TGFBR3: variants seen among roughly 807,000 people sequenced by gnomAD.
The protein encoded by TGFBR3 is transforming growth factor beta receptor 3, also known as transforming growth factor beta receptor type 3.
In TGFBR3, 46 loss-of-function variants were observed where a neutral mutation model predicts 87.9. The ratio of observed to expected loss-of-function variants is 0.52; its 90% CI spans 0.41 to 0.67. The LOEUF (loss-of-function observed/expected upper bound fraction) is 0.67, where lower values mean the gene tolerates loss of function less well. Ranked by LOEUF, TGFBR3 falls within the 30% of genes least tolerant of loss-of-function variation. TGFBR3 has a pLI of 0.00. For missense variants in TGFBR3, 866 were observed against 1,041.9 expected, an observed-to-expected ratio of 0.83 and a Z score of 2.32; for synonymous variants, 381 against 391.6, an observed-to-expected ratio of 0.97 and a Z score of 0.32.
chr1:91,855,590 A>AT (rs999234714), intron 2 of TGFBR3, among the ~76,000 whole-genome samples: 4 of 152,124 alleles, frequency 2.6e-5, no homozygotes, highest in Non-Finnish European at 5.9e-5. Context: ...ATTTTTATCC[A>AT]TTTTTTGTAT....
At chr1:91,897,237 G>A (rs1392926287) in intron 2 of TGFBR3, among the ~76,000 whole-genome samples, 1 of 152,188 alleles carries the variant, frequency 6.6e-6, no homozygotes, top group Non-Finnish European at 1.5e-5. Flanking sequence ...TGTAGCCTGC[G>A]GGGGTATCAG....
intron 1 of TGFBR3, among the ~76,000 whole-genome samples, chr1:91,875,690 C>T (rs1251587563): frequency 1.3e-5 from 2 of 149,786 alleles, no homozygotes; most frequent in Admixed American, 6.8e-5. Context: ...GAGTTCAAGA[C>T]CAGCCTGGCC....
intron 16 of TGFBR3, among the ~76,000 whole-genome samples, chr1:91,695,110 C>CTTT (rs3038541): frequency 1.4e-5 from 2 of 140,042 alleles, no homozygotes; most frequent in Admixed American, 7.1e-5. Context: ...TGTTTCATCA[C>CTTT]TTTTTTTTTT....
At chr1:91,732,219 C>T (rs1672798978) in intron 5 of TGFBR3, among the ~76,000 whole-genome samples, 1 of 152,114 alleles carries the variant, frequency 6.6e-6, no homozygotes, top group African/African-American at 2.4e-5. Context: ...GGTGGTAAGT[C>T]AATGTTGCTT....
intron 8 of TGFBR3, among the ~76,000 whole-genome samples, chr1:91,721,010 G>A (rs17881597): frequency 3.1e-4 from 47 of 152,164 alleles, no homozygotes; most frequent in African/African-American, 9.4e-4. Context: ...ATATTTTGTC[G>A]TATTTCTAAC....
chr1:91,847,646 G>GA (rs1380502336), intron 2 of TGFBR3, among the ~76,000 whole-genome samples: 1 of 151,212 alleles, frequency 6.6e-6, no homozygotes, highest in Non-Finnish European at 1.5e-5. Flanking sequence ...AGTCAATGGG[G>GA]AAACCTGAGC....
At chr1:91,736,692 G>T (rs1421035241) in intron 4 of TGFBR3, among the ~76,000 whole-genome samples, 1 of 152,030 alleles carries the variant, frequency 6.6e-6, no homozygotes, top group African/African-American at 2.4e-5. Flanking sequence ...CTAATTTTTT[G>T]ACTTTTGCAC....
At position 91,708,787 on chromosome 1, in the gene TGFBR3, C is replaced by A. The variant is rs1411293978; in HGVS notation, c.2167-4G>T. On this transcript the variant is annotated splice_region_variant and splice_polypyrimidine_tract_variant and intron_variant, in intron 13 of 16. Transcript: ENST00000212355. ...AGGCTTCGTCAGGAGGCACACACTG[C>A]AGACAGGCAGAACAAAGCACAGAAT... 3.1e-6 allele frequency: 5 copies of A among 1,613,638 alleles called. No individual in the cohort carries two copies. Among genetic ancestry groups the A allele is most frequent in the Non-Finnish European group, 4.2e-6 (5 of 1,179,882 alleles).
At chr1:91,698,167 A>C (rs756261971) in intron 14 of TGFBR3, 37 bp from the exon 15 acceptor site, 1 of 1,588,272 alleles carries the variant, frequency 6.3e-7, no homozygotes, top group Non-Finnish European at 8.6e-7. Context: ...TATTCTATGG[A>C]GAACCAAGAT....
chr1:91,762,062 T>C (rs948506458), intron 3 of TGFBR3, among the ~76,000 whole-genome samples: 2 of 152,188 alleles, frequency 1.3e-5, no homozygotes, highest in Non-Finnish European at 2.9e-5. Flanking sequence ...GCTTTGTCTA[T>C]GGGCTGATAA....
At chr1:91,691,330 A>G (rs71650461) in intron 16 of TGFBR3, among the ~76,000 whole-genome samples, 3,274 of 152,308 alleles carry the variant, frequency 0.021, 45 homozygotes, top group African/African-American at 0.042. Flanking sequence ...ATGTATAAAC[A>G]TACACCTAAC....
chr1:91,744,367 C>T (rs1001207207), intron 4 of TGFBR3, among the ~76,000 whole-genome samples: 6 of 152,038 alleles, frequency 3.9e-5, no homozygotes, highest in African/African-American at 4.8e-5. Flanking sequence ...ATTACAGGCA[C>T]GAGGAGCCAT....
In TGFBR3 at chr1:91,855,047, C is replaced by T. The variant is rs187943153; in HGVS notation, c.61+6424G>A. Among the ~76,000 whole-genome samples, 120 of 152,322 alleles carry T rather than the reference C, an allele frequency of 7.9e-4. 1 individual carries two copies. Among genetic ancestry groups the T allele is most frequent in the African/African-American group, 2.7e-3 (113 of 41,560 alleles). ...CCATTCCAGACCAAGTATTAACCAG[C>T]TGGTATCTCAGCTTGCTCTCCCACA... is the stretch of plus-strand genomic sequence containing the variant. On this transcript the variant is annotated intron_variant, in intron 2 of 16. Coordinates refer to ENST00000212355, the MANE Select transcript of TGFBR3 (RefSeq NM_003243.5).
intron 2 of TGFBR3, among the ~76,000 whole-genome samples, chr1:91,800,332 G>A (rs10664592): frequency 3.1e-3 from 434 of 140,380 alleles, no homozygotes; most frequent in Middle Eastern, 0.011. Flanking sequence ...ATGTGTATAT[G>A]TGTGTGTGTG....
Position 91,728,764 on chromosome 1 carries a change from G to A in TGFBR3, c.738-958C>T, listed in dbSNP as rs79284145. On this transcript the variant is annotated intron_variant, in intron 6 of 16. Coordinates refer to ENST00000212355, the MANE Select transcript of TGFBR3 (RefSeq NM_003243.5). ...CGCTTTGAAAGTCAAACCCCGATTA[G>A]CATTTTCACCTCGAAATCCCTCTAC... Among the ~76,000 whole-genome samples, 615 of 152,200 alleles carry A rather than the reference G, an allele frequency of 4.0e-3. 1 individual carries two copies. Among genetic ancestry groups the A allele is most frequent in the Non-Finnish European group, 6.0e-3 (406 of 68,014 alleles).
At chr1:91,797,706 A>G (rs1214250974) in intron 2 of TGFBR3, among the ~76,000 whole-genome samples, 2 of 152,248 alleles carry the variant, frequency 1.3e-5, no homozygotes, top group Non-Finnish European at 2.9e-5. Flanking sequence ...CTCACAAGTC[A>G]TGAATGCATT....
intron 3 of TGFBR3, among the ~76,000 whole-genome samples, chr1:91,771,636 G>A (rs1674380861): frequency 6.6e-6 from 1 of 150,948 alleles, no homozygotes; most frequent in South Asian, 2.1e-4. Flanking sequence ...AACATGGGAG[G>A]CGGAGCTTGC....
chr1:91,733,080 T>C (rs367575006), intron 5 of TGFBR3, among the ~76,000 whole-genome samples: 2 of 152,350 alleles, frequency 1.3e-5, no homozygotes, highest in African/African-American at 4.8e-5. Context: ...TTGACCTCTG[T>C]TATTAGCTAC....
At chr1:91,831,011 T>C (rs926287215) in intron 2 of TGFBR3, among the ~76,000 whole-genome samples, 5 of 152,032 alleles carry the variant, frequency 3.3e-5, no homozygotes, top group African/African-American at 1.2e-4. Context: ...CAAAGGTCTC[T>C]TCAAGTTAGA....
Sources: allele counts gnomAD v4.1 joint callset (sites outside exome capture counted in the v4.1 genomes callset), GRCh38; gene constraint gnomAD v4.1.1; transcripts MANE v1.5; gene names NCBI Gene and HGNC (gene_info 2026-07-23, HGNC 2026-07-21).